SCFD2: variants seen among roughly 807,000 people sequenced by gnomAD.
The protein encoded by SCFD2 is sec1 family domain-containing protein 2.
A neutral mutation model predicts 58.9 loss-of-function variants in SCFD2; 54 were observed. That is an observed-to-expected ratio of 0.92 (90% CI 0.74 to 1.15). The LOEUF (loss-of-function observed/expected upper bound fraction) is 1.15. SCFD2 is among the 50% of genes most tolerant of loss of function. SCFD2 has a pLI of 0.00. For missense variants in SCFD2, 805 were observed against 836.6 expected (o/e 0.96, Z 0.47); for synonymous variants, 321 against 335.9 (o/e 0.96, Z 0.49).
At chr4:53,140,671 C>A (rs995290925) in intron 5 of SCFD2, among the ~76,000 whole-genome samples, 1 of 151,928 alleles carries the variant, frequency 6.6e-6, no homozygotes, top group Admixed American at 6.6e-5. Flanking sequence ...AATATTAATT[C>A]TCTGTTCAGA....
intron 6 of SCFD2, among the ~76,000 whole-genome samples, chr4:52,907,796 A>G (rs1719384329): frequency 6.6e-6 from 1 of 151,990 alleles, no homozygotes; most frequent in Non-Finnish European, 1.5e-5. Context: ...TTTCACCCCA[A>G]TGCTTTAGCA....
At chr4:53,137,301 T>G (rs1220625535) in intron 5 of SCFD2, among the ~76,000 whole-genome samples, 6 of 152,190 alleles carry the variant, frequency 3.9e-5, no homozygotes, top group Admixed American at 3.9e-4. Flanking sequence ...CCTTCCTCAC[T>G]TCTTTCCCAA....
intron 6 of SCFD2, among the ~76,000 whole-genome samples, chr4:52,916,788 A>G (rs1406369197): frequency 6.6e-6 from 1 of 152,182 alleles, no homozygotes; most frequent in Non-Finnish European, 1.5e-5. Context: ...AAAAGATAAA[A>G]TGTTGCAAAA....
intron 4 of SCFD2, among the ~76,000 whole-genome samples, chr4:53,194,398 A>ATTATAT (rs1727999942): frequency 6.6e-6 from 1 of 152,234 alleles, no homozygotes; most frequent in South Asian, 2.1e-4. Context: ...AAACCTTTTT[A>ATTATAT]GAACCTATAA....
chr4:52,905,764 A>G (rs930546988), intron 7 of SCFD2, among the ~76,000 whole-genome samples: 5 of 152,192 alleles, frequency 3.3e-5, no homozygotes, highest in African/African-American at 1.2e-4. Flanking sequence ...AGATGTAGAA[A>G]ACACTCTGCA....
At chr4:53,229,756 C>A (rs961291470) in intron 4 of SCFD2, among the ~76,000 whole-genome samples, 9 of 152,080 alleles carry the variant, frequency 5.9e-5, no homozygotes, top group African/African-American at 2.2e-4. Flanking sequence ...GCAACAAAAG[C>A]CAGAATTGAC....
intron 5 of SCFD2, among the ~76,000 whole-genome samples, chr4:53,100,344 C>T (rs1302649924): frequency 6.6e-6 from 1 of 151,998 alleles, no homozygotes; most frequent in African/African-American, 2.4e-5. Flanking sequence ...AGTGATGGTC[C>T]TGAAGTCAAT....
chr4:53,219,611 C>T (rs1728985549), intron 4 of SCFD2, among the ~76,000 whole-genome samples: 1 of 152,120 alleles, frequency 6.6e-6, no homozygotes, highest in African/African-American at 2.4e-5. Flanking sequence ...TGCCCTGCTT[C>T]AGCTCACACT....
chr4:53,271,545 C>G (rs1731169250), intron 4 of SCFD2, among the ~76,000 whole-genome samples: 1 of 151,886 alleles, frequency 6.6e-6, no homozygotes, highest in Admixed American at 6.6e-5. Context: ...TCACTGCAAC[C>G]TCTGCCTCCC....
intron 7 of SCFD2, among the ~76,000 whole-genome samples, chr4:52,897,685 G>A (rs915211769): frequency 1.3e-5 from 2 of 152,102 alleles, no homozygotes; most frequent in Non-Finnish European, 2.9e-5. Context: ...GAGTTAGGGA[G>A]GATTCCCTCT....
At chr4:53,353,248 G>T (rs143438062) in intron 1 of SCFD2, among the ~76,000 whole-genome samples, 1 of 152,090 alleles carries the variant, frequency 6.6e-6, no homozygotes, top group Non-Finnish European at 1.5e-5. Flanking sequence ...TTAAGGCAGC[G>T]CGTCTGGAGT....
At chr4:53,109,240 AC>A (rs1725096629) in intron 5 of SCFD2, among the ~76,000 whole-genome samples, 1 of 152,232 alleles carries the variant, frequency 6.6e-6, no homozygotes. Flanking sequence ...GCTATCTATG[AC>A]AAACCCACAG....
intron 5 of SCFD2, among the ~76,000 whole-genome samples, chr4:52,994,355 G>T (rs1414320922): frequency 6.6e-6 from 1 of 152,154 alleles, no homozygotes; most frequent in Non-Finnish European, 1.5e-5. Context: ...AAAGAGCACG[G>T]GACTTGGTGC....
chr4:52,995,136 A>T (rs1440878261), intron 5 of SCFD2, among the ~76,000 whole-genome samples: 1 of 152,266 alleles, frequency 6.6e-6, no homozygotes, highest in East Asian at 1.9e-4. Context: ...TAACTATATA[A>T]CTTACCATAA....
rs565596999 is a variant in SCFD2, at chr4:53,344,631, C to T, written c.1007+7967G>A. Among the ~76,000 whole-genome samples, 25 of 152,216 alleles carry T rather than the reference C, an allele frequency of 1.6e-4. No individual in the cohort carries two copies. In the South Asian group the frequency reaches 1.7e-3, roughly 10 times the overall value. On this transcript the variant is annotated intron_variant, in intron 2 of 8. Coordinates refer to ENST00000401642, the MANE Select transcript of SCFD2 (RefSeq NM_152540.4). Reference sequence around the variant, plus strand: ...GTTCATATGGAACCAAAAAAGAGCCCGCATTGCCAAGACAATCCTAAGCAA... The same window carrying T: ...GTTCATATGGAACCAAAAAAGAGCCTGCATTGCCAAGACAATCCTAAGCAA...
At chr4:53,142,488 G>A (rs1331396114) in intron 5 of SCFD2, among the ~76,000 whole-genome samples, 1 of 152,182 alleles carries the variant, frequency 6.6e-6, no homozygotes, top group Non-Finnish European at 1.5e-5. Flanking sequence ...AATAACATGA[G>A]TGCAAACCTT....
intron 4 of SCFD2, among the ~76,000 whole-genome samples, chr4:53,252,558 CA>C (rs1187638073): frequency 8.7e-5 from 13 of 149,748 alleles, no homozygotes; most frequent in Admixed American, 6.7e-4. Flanking sequence ...TGGAACAGAA[CA>C]GAGCCCTCAG....
At chr4:53,058,942 T>C (rs1001779097) in intron 5 of SCFD2, among the ~76,000 whole-genome samples, 2 of 152,070 alleles carry the variant, frequency 1.3e-5, no homozygotes, top group African/African-American at 4.8e-5. Flanking sequence ...GGCAAGTAAC[T>C]TGGAGCTGAG....
intron 5 of SCFD2, among the ~76,000 whole-genome samples, chr4:53,102,968 GAGAAGGAA>G (rs1724872983): frequency 6.6e-6 from 1 of 152,116 alleles, no homozygotes; most frequent in South Asian, 2.1e-4. Flanking sequence ...GACAGCTGGA[GAGAAGGAA>G]AGGCTCTTCC....
Sources: gnomAD v4.1 joint callset for allele counts (sites outside exome capture counted in the v4.1 genomes callset) on GRCh38, gnomAD v4.1.1 for gene constraint, MANE v1.5 for transcripts, NCBI Gene and HGNC (gene_info 2026-07-23, HGNC 2026-07-21) for gene names.